Variants in STAB2 observed in about 807,000 individuals in gnomAD.
The protein encoded by STAB2 is stabilin 2.
Under a neutral mutation model 338.1 loss-of-function variants are expected in STAB2, and 288 were observed. That is an observed-to-expected ratio of 0.85 (90% CI 0.77 to 0.94). The LOEUF (loss-of-function observed/expected upper bound fraction) is 0.94, where lower values mean the gene tolerates loss of function less well. Among genes scored for constraint, STAB2 ranks in the 40% least tolerant of loss-of-function variants. STAB2 has a pLI of 0.00. For synonymous variants in STAB2, 1,202 were observed against 1,193.3 expected, an observed-to-expected ratio of 1.01 and a Z score of -0.15; for missense variants, 3,141 against 3,210.1, an observed-to-expected ratio of 0.98 and a Z score of 0.52.
rs1408884397 is a variant in STAB2, at chr12:103,614,036, G to A, written c.332-6432G>A. 2.2e-4 allele frequency among the ~76,000 whole-genome samples: 34 copies of A among 152,024 alleles called. 1 individual carries two copies. Among genetic ancestry groups the A allele is most frequent in the Admixed American group, 2.2e-3 (34 of 15,262 alleles). On this transcript the variant is annotated intron_variant, in intron 3 of 68. Transcript: ENST00000388887. ...TTCTCTACCTTCTTGAATACATAGAGTACAGTTATAATAACTATTTCTAAA... is the reference window on the plus strand; with the variant it reads ...TTCTCTACCTTCTTGAATACATAGAATACAGTTATAATAACTATTTCTAAA...
chr12:103,657,628 C>T (rs979559393), intron 15 of STAB2: 2 of 152,192 alleles, frequency 1.3e-5, no homozygotes, highest in East Asian at 1.9e-4. Flanking sequence ...GGTTAATGCA[C>T]GCCACTGCTC....
intron 17 of STAB2, among the ~76,000 whole-genome samples, chr12:103,661,306 C>A (rs960674485): frequency 2.0e-5 from 3 of 151,786 alleles, no homozygotes; most frequent in African/African-American, 7.3e-5. Flanking sequence ...CCAAAGAAGG[C>A]TGCATTATTC....
chr12:103,706,908 G>T lies in STAB2; in HGVS notation c.4113G>T (p.Val1371=). The change falls in exon 38 of 69, where the codon GTG becomes GTT. Residue 1371 remains valine, a synonymous_variant. Coordinates refer to ENST00000388887, the MANE Select transcript of STAB2 (RefSeq NM_017564.10). ...ICLDGVNGTG[V]CECGEGFSGT... ...TGGATGGAGTGAATGGCACAGGTGT[G>T]TGTGAGTGTGGGGAGGGCTTCAGCG... 1 of 1,614,254 alleles carries T rather than the reference G, an allele frequency of 6.2e-7. No homozygotes were observed. Among genetic ancestry groups the T allele is most frequent in the Non-Finnish European group, 8.5e-7 (1 of 1,180,042 alleles).
intron 6 of STAB2, among the ~76,000 whole-genome samples, chr12:103,636,113 T>C (rs1457684556): frequency 6.6e-6 from 1 of 152,072 alleles, no homozygotes; most frequent in Non-Finnish European, 1.5e-5. Context: ...TTGTTACATC[T>C]GTATACATGT....
At chr12:103,689,064 A>G (rs1403026411) in intron 28 of STAB2, among the ~76,000 whole-genome samples, 1 of 151,662 alleles carries the variant, frequency 6.6e-6, no homozygotes, top group East Asian at 1.9e-4. Flanking sequence ...CACTGCTTCT[A>G]CCAAAAACTG....
Position 103,739,527 on chromosome 12 carries a change from CTGTGTGTGTGTGTGTGTGTGTGTG to C in STAB2, c.5754+82_5754+105del, listed in dbSNP as rs35471201. On this transcript the variant is annotated intron_variant, in intron 54 of 68. Transcript: ENST00000388887. ...CCATAGGTCTGTTTCATTATCAGACCTGTGTGTGTGTGTGTGTGTGTGTGTGTGTGTGTGTGTGTGTGTGTGCCC... is the reference window on the plus strand; with the variant it reads ...CCATAGGTCTGTTTCATTATCAGACCTGTGTGTGTGTGTGTGTGTGTGCCC... 1,672 of 674,316 alleles carry C rather than the reference CTGTGTGTGTGTGTGTGTGTGTGTG, an allele frequency of 2.5e-3. 19 individuals are homozygous for C. In the African/African-American group the frequency reaches 0.03, roughly 12 times the overall value. The allele number at this position is 674,316 out of a possible 1,614,324, so 41.8% of individuals were successfully genotyped here.
chr12:103,637,008 A>T, intron 6 of STAB2, 103 bp from the exon 7 acceptor site: 1 of 1,273,676 alleles, frequency 7.9e-7, no homozygotes, highest in Non-Finnish European at 1.0e-6. Context: ...AATTATTACA[A>T]TGAGTTTGTA....
chr12:103,651,905 A>G (rs1873773287), intron 11 of STAB2, among the ~76,000 whole-genome samples: 1 of 152,080 alleles, frequency 6.6e-6, no homozygotes, highest in Admixed American at 6.5e-5. Context: ...CCTGTCTGAT[A>G]TTCATCTCTC....
At chr12:103,653,085 T>C (rs1873867867) in intron 12 of STAB2, among the ~76,000 whole-genome samples, 1 of 152,182 alleles carries the variant, frequency 6.6e-6, no homozygotes. Flanking sequence ...TTGTTTTAGA[T>C]TGCTGGAGTT....
chr12:103,700,711 A>C (rs566452361), intron 34 of STAB2, among the ~76,000 whole-genome samples: 1 of 152,210 alleles, frequency 6.6e-6, no homozygotes, highest in Non-Finnish European at 1.5e-5. Flanking sequence ...AGCTGAATCA[A>C]TTTTAGAGCT....
At chr12:103,731,137 G>A (rs191639791) in intron 49 of STAB2, among the ~76,000 whole-genome samples, 1 of 152,260 alleles carries the variant, frequency 6.6e-6, no homozygotes, top group Non-Finnish European at 1.5e-5. Context: ...ACCAACACCA[G>A]GCTGTTCTGG....
intron 19 of STAB2, among the ~76,000 whole-genome samples, chr12:103,667,945 T>C (rs1164639513): frequency 1.3e-5 from 2 of 152,230 alleles, no homozygotes; most frequent in African/African-American, 2.4e-5. Flanking sequence ...CTAAAGTCTG[T>C]ACGTGATAAG....
In STAB2 at chr12:103,753,611, C is replaced by T. The variant is rs544103295; in HGVS notation, c.6714+258C>T. ...CAGAGCAGGTGTTACTTACTATTCC[C>T]ATTTTACAGATAGGGAAACTGAGGC... On this transcript the variant is annotated intron_variant, in intron 61 of 68. Coordinates refer to ENST00000388887, the MANE Select transcript of STAB2 (RefSeq NM_017564.10). Among the ~76,000 whole-genome samples, 73 of 152,338 alleles carry T rather than the reference C, an allele frequency of 4.8e-4. 1 individual carries two copies. The Middle Eastern group carries it at 0.01, about 21-fold the overall frequency.
chr12:103,626,933 A>T (rs903253743), intron 5 of STAB2, among the ~76,000 whole-genome samples: 1 of 152,220 alleles, frequency 6.6e-6, no homozygotes, highest in Non-Finnish European at 1.5e-5. Context: ...GCCAGATTGC[A>T]AAGCCCGTTT....
At position 103,749,096 on chromosome 12, in the gene STAB2, C is replaced by A. The variant is rs201554631; in HGVS notation, c.6378C>A (p.Pro2126=). 2.5e-4 allele frequency: 399 copies of A among 1,613,852 alleles called. 1 individual carries two copies. Among genetic ancestry groups the A allele is most frequent in the Non-Finnish European group, 2.1e-4 (246 of 1,179,948 alleles). Residue 2126 remains proline (P), a synonymous_variant, in exon 59 of 69, where the codon CCC becomes CCA. Transcript: ENST00000388887. ...GGCACAGCTGCACAGAGATAGACCC[C>A]TGTGCAGACGGCCTTAACGGAGGGT... is the stretch of plus-strand genomic sequence containing the variant. The part of the protein sequence containing the change: ...GDGHSCTEID[P]CADGLNGGCH...
intron 23 of STAB2, among the ~76,000 whole-genome samples, chr12:103,674,824 G>T (rs1053565096): frequency 1.3e-5 from 2 of 152,070 alleles, no homozygotes; most frequent in Admixed American, 1.3e-4. Flanking sequence ...ATTTGTTTTG[G>T]TCTGCCTCTC....
intron 68 of STAB2, among the ~76,000 whole-genome samples, chr12:103,765,778 G>A (rs1884906837): frequency 8.2e-6 from 1 of 122,370 alleles, no homozygotes; most frequent in Non-Finnish European, 1.8e-5. Context: ...CTGAGCTCAA[G>A]TGATCCGCCT....
chr12:103,747,042 C>T (rs1208809693), intron 58 of STAB2, among the ~76,000 whole-genome samples: 3 of 150,768 alleles, frequency 2.0e-5, no homozygotes, highest in South Asian at 2.1e-4. Flanking sequence ...CTGCAACCTC[C>T]GCTTCCCAGG....
chr12:103,726,194 A>G, intron 46 of STAB2, 31 bp downstream of exon 46: 2 of 1,613,058 alleles, frequency 1.2e-6, no homozygotes, highest in South Asian at 1.1e-5. Context: ...TCTAGCCATA[A>G]GAGTTCAGCC....
Sources: gnomAD v4.1 joint callset for allele counts (sites outside exome capture counted in the v4.1 genomes callset) on GRCh38, gnomAD v4.1.1 for gene constraint, MANE v1.5 for transcripts, NCBI Gene and HGNC (gene_info 2026-07-23, HGNC 2026-07-21) for gene names.